The following NBEA variants were observed in gnomAD, a reference collection of about 807,000 sequenced individuals.
NBEA encodes the protein neurobeachin, also known as lysosomal-trafficking regulator 2.
NBEA carries 44 observed loss-of-function variants against 343.4 expected under a neutral mutation model. The ratio of observed to expected loss-of-function variants is 0.13; its 90% CI spans 0.10 to 0.16. NBEA has a LOEUF of 0.16. NBEA is among the 10% of genes least tolerant of loss of function. The probability of loss-of-function intolerance (pLI) is 1.00; values close to 1 mark genes in which losing one functional copy is unlikely to be tolerated. For missense variants in NBEA, 2,555 were observed against 3,631.3 expected, an observed-to-expected ratio of 0.70 and a Z score of 7.62; for synonymous variants, 1,175 against 1,238.7, an observed-to-expected ratio of 0.95 and a Z score of 1.08.
intron 48 of NBEA, among the ~76,000 whole-genome samples, chr13:35,621,225 A>G (rs2082975747): frequency 6.6e-6 from 1 of 152,168 alleles, no homozygotes; most frequent in Non-Finnish European, 1.5e-5. Context: ...ATCTGCTCCC[A>G]AAGATCAGAG....
intron 41 of NBEA, among the ~76,000 whole-genome samples, chr13:35,520,678 T>G (rs1254954745): frequency 6.6e-6 from 1 of 152,178 alleles, no homozygotes; most frequent in African/African-American, 2.4e-5. Context: ...TATTTCTCTC[T>G]TCCAGTACTA....
At chr13:35,362,148 T>C (rs759498494) in intron 38 of NBEA, among the ~76,000 whole-genome samples, 14 of 152,028 alleles carry the variant, frequency 9.2e-5, no homozygotes, top group Non-Finnish European at 1.3e-4. Context: ...CTGCATTATA[T>C]ATTTATTGTA....
chr13:35,543,493 T>A (rs2078926235), intron 41 of NBEA, among the ~76,000 whole-genome samples: 1 of 152,146 alleles, frequency 6.6e-6, no homozygotes, highest in Admixed American at 6.5e-5. Flanking sequence ...TCTTTGAAAG[T>A]AAAGAATTGG....
chr13:35,255,119 A>G (rs2032437511), intron 34 of NBEA, among the ~76,000 whole-genome samples: 1 of 152,240 alleles, frequency 6.6e-6, no homozygotes, highest in South Asian at 2.1e-4. Context: ...CTTGGCTATC[A>G]GGGATAAAAG....
At position 35,195,824 on chromosome 13, in the gene NBEA, C is replaced by T. The variant is rs761253381; in HGVS notation, c.4928-40C>T. 9 of 1,478,448 alleles carry T rather than the reference C, an allele frequency of 6.1e-6. No homozygotes were observed. In the Middle Eastern group the frequency reaches 5.8e-4, roughly 95 times the overall value. 91.6% of individuals were successfully genotyped at this position (1,478,448 alleles called of 1,614,324 possible). On this transcript the variant is annotated intron_variant, in intron 30 of 58. Coordinates refer to ENST00000379939, the MANE Select transcript of NBEA (RefSeq NM_001385012.1). ...TTTGATTAATAATACAAGATTTTTA[C>T]TTTCAAAGCTTTTTTCTAACCTAGT...
At chr13:35,631,085 C>T (rs2083431855) in intron 49 of NBEA, among the ~76,000 whole-genome samples, 1 of 152,190 alleles carries the variant, frequency 6.6e-6, no homozygotes, top group Non-Finnish European at 1.5e-5. Context: ...GAGAGCCCAC[C>T]TGAATCCTGT....
At position 35,272,868 on chromosome 13, in the gene NBEA, C is replaced by A. The variant is rs187578331; in HGVS notation, c.5777-17521C>A. 1.6e-3 allele frequency among the ~76,000 whole-genome samples: 249 copies of A among 152,224 alleles called. 1 individual carries two copies. The highest frequency in any genetic ancestry group is 5.7e-3 in the African/African-American group (236 of 41,538). On this transcript the variant is annotated intron_variant, in intron 34 of 58. Transcript: ENST00000379939. ...GATTCATAAAACAAGTTCTTAGAGA[C>A]CTGCAAAGAGACTTAGACTCCCACA...
At chr13:35,098,205 G>A (rs1469562683) in intron 10 of NBEA, 92 bp from the exon 11 acceptor site, 10 of 806,908 alleles carry the variant, frequency 1.2e-5, no homozygotes, top group African/African-American at 1.0e-4. Context: ...TTTGAATATG[G>A]TTATCTTTTG....
intron 34 of NBEA, among the ~76,000 whole-genome samples, chr13:35,234,266 C>T (rs1199038869): frequency 6.6e-6 from 1 of 152,114 alleles, no homozygotes; most frequent in Non-Finnish European, 1.5e-5. Context: ...GTATAAAATG[C>T]TCTGAAGAAT....
At chr13:35,239,057 A>C (rs1593883349) in intron 34 of NBEA, among the ~76,000 whole-genome samples, 1 of 152,152 alleles carries the variant, frequency 6.6e-6, no homozygotes, top group South Asian at 2.1e-4. Context: ...ATTGTTTTTA[A>C]ATTACAATAA....
At chr13:35,499,469 T>C (rs2076806573) in intron 41 of NBEA, among the ~76,000 whole-genome samples, 4 of 152,060 alleles carry the variant, frequency 2.6e-5, no homozygotes, top group Admixed American at 2.6e-4. Flanking sequence ...GTTCAGCTGC[T>C]CTGTTCTCAT....
intron 36 of NBEA, among the ~76,000 whole-genome samples, chr13:35,312,705 G>A (rs571346967): frequency 4.6e-5 from 7 of 152,288 alleles, no homozygotes; most frequent in African/African-American, 1.7e-4. Flanking sequence ...CAAATTTGAA[G>A]TATCTTTTGG....
At chr13:35,521,586 G>A (rs547860465) in intron 41 of NBEA, among the ~76,000 whole-genome samples, 10 of 152,246 alleles carry the variant, frequency 6.6e-5, no homozygotes, top group East Asian at 1.9e-4. Flanking sequence ...CTGCTTCATC[G>A]TTGTTTCTCC....
At chr13:35,338,093 G>A (rs1219236901) in intron 36 of NBEA, among the ~76,000 whole-genome samples, 1 of 151,676 alleles carries the variant, frequency 6.6e-6, no homozygotes, top group Non-Finnish European at 1.5e-5. Context: ...TCCAAAACAG[G>A]CTGAAGAAGG....
chr13:35,118,704 G>A (rs1323562078), intron 16 of NBEA, among the ~76,000 whole-genome samples: 1 of 151,964 alleles, frequency 6.6e-6, no homozygotes, highest in Non-Finnish European at 1.5e-5. Context: ...GCTATAGTAA[G>A]GACATTACAA....
chr13:35,196,378 G>A, intron 31 of NBEA, 76 bp downstream of exon 31: 1 of 1,349,516 alleles, frequency 7.4e-7, no homozygotes, highest in Non-Finnish European at 9.9e-7. Flanking sequence ...TAAAATATAA[G>A]GAAGATCTTG....
chr13:35,070,644 A>T, intron 9 of NBEA, 75 bp from the exon 10 acceptor site: 1 of 1,285,090 alleles, frequency 7.8e-7, no homozygotes, highest in Middle Eastern at 2.9e-4. Context: ...TCTATTATAA[A>T]GGTATTTGGA....
intron 13 of NBEA, among the ~76,000 whole-genome samples, chr13:35,112,195 T>G (rs2066252644): frequency 6.6e-6 from 1 of 151,976 alleles, no homozygotes; most frequent in African/African-American, 2.4e-5. Context: ...ATTCTAATAT[T>G]TATATAAGCT....
At chr13:35,475,482 G>C (rs754906601) in intron 41 of NBEA, 2 of 1,612,428 alleles carry the variant, frequency 1.2e-6, no homozygotes, top group Non-Finnish European at 1.7e-6. Flanking sequence ...TCTGCTTGCC[G>C]GCCAAGGAGT....
Sources: gnomAD v4.1 joint callset for allele counts (sites outside exome capture counted in the v4.1 genomes callset) on GRCh38, gnomAD v4.1.1 for gene constraint, MANE v1.5 for transcripts, NCBI Gene and HGNC (gene_info 2026-07-23, HGNC 2026-07-21) for gene names.